TGM6: variants seen among roughly 807,000 people sequenced by gnomAD.
TGM6 encodes the protein protein-glutamine gamma-glutamyltransferase 6.
A neutral mutation model predicts 77.5 loss-of-function variants in TGM6; 74 were observed. That is an observed-to-expected ratio of 0.96 (90% CI 0.79 to 1.16). The LOEUF (loss-of-function observed/expected upper bound fraction) is 1.16. TGM6 is among the 50% of genes most tolerant of loss of function. The pLI, the probability that TGM6 is intolerant of heterozygous loss-of-function variation, is 0.00. For synonymous variants in TGM6, 383 were observed against 378.9 expected (o/e 1.01, Z -0.12); for missense variants, 968 against 940.2 (o/e 1.03, Z -0.39).
intron 3 of TGM6, 136 bp from the exon 4 acceptor site, chr20:2,396,370 G>A (rs1024219623): frequency 5.8e-5 from 48 of 833,712 alleles, no homozygotes; most frequent in Admixed American, 4.8e-4. Flanking sequence ...ACGGGAGCTC[G>A]CAAGCCCCCT....
chr20:2,426,363 A>C (rs1450842004), intron 10 of TGM6, among the ~76,000 whole-genome samples: 1 of 152,198 alleles, frequency 6.6e-6, no homozygotes, highest in Non-Finnish European at 1.5e-5. Flanking sequence ...TATACCCTGT[A>C]ACCTTGCTAT....
In TGM6 at chr20:2,419,669, C is replaced by T. The variant is rs183926695; in HGVS notation, c.1678+2096C>T. 9.9e-5 allele frequency among the ~76,000 whole-genome samples: 15 copies of T among 152,284 alleles called. 1 individual carries two copies. Among genetic ancestry groups the T allele is most frequent in the African/African-American group, 3.6e-4 (15 of 41,546 alleles). On this transcript the variant is annotated intron_variant, in intron 10 of 12. Coordinates refer to ENST00000202625, the MANE Select transcript of TGM6 (RefSeq NM_198994.3). ...TAAATATTGCAAATAGTCATTAATG[C>T]CCTGCTCTTTTCATATTGCATTGTA...
At chr20:2,384,263 C>T (rs2084578025) in intron 1 of TGM6, among the ~76,000 whole-genome samples, 1 of 152,108 alleles carries the variant, frequency 6.6e-6, no homozygotes, top group South Asian at 2.1e-4. Flanking sequence ...CTCAGAATTT[C>T]CTGCTTTAAG....
chr20:2,397,898 A>T lies in TGM6; in HGVS notation c.544-20A>T, dbSNP rs1276371844. On this transcript the variant is annotated intron_variant, in intron 4 of 12. Transcript: ENST00000202625. ...GGGTGACTGAACGCAGCCTCTAAGCACAGCCTCTCTGGGGAGCAGTTTGAG... is the reference window on the plus strand; with the variant it reads ...GGGTGACTGAACGCAGCCTCTAAGCTCAGCCTCTCTGGGGAGCAGTTTGAG... The T allele has an allele frequency of 1.2e-6, 2 of 1,614,118 alleles. No homozygotes were observed. The highest frequency in any genetic ancestry group is 1.7e-6 in the Non-Finnish European group (2 of 1,180,000).
chr20:2,426,769 T>A (rs1425065336), intron 10 of TGM6, among the ~76,000 whole-genome samples: 3 of 152,220 alleles, frequency 2.0e-5, no homozygotes, highest in Non-Finnish European at 4.4e-5. Context: ...TCTATTGATA[T>A]GATCATGTTA....
chr20:2,396,261 G>A (rs1465675250), intron 3 of TGM6, among the ~76,000 whole-genome samples: 6 of 152,092 alleles, frequency 3.9e-5, no homozygotes, highest in African/African-American at 1.2e-4. Flanking sequence ...CATCAAGGAG[G>A]CCCACCCAAA....
intron 9 of TGM6, among the ~76,000 whole-genome samples, chr20:2,406,831 CAAAAAAAAAAAAAA>C (rs3050731): frequency 3.8e-4 from 24 of 63,706 alleles, no homozygotes; most frequent in East Asian, 7.9e-4. Context: ...CGAAACTCCT[CAAAAAAAAAAAAAA>C]AAAAAAAAAA....
intron 9 of TGM6, among the ~76,000 whole-genome samples, chr20:2,410,993 AG>A (rs1712512008): frequency 6.6e-6 from 1 of 152,220 alleles, no homozygotes; most frequent in Non-Finnish European, 1.5e-5. Flanking sequence ...CTTCCCACAA[AG>A]AAATAATCAG....
chr20:2,395,617 C>T (rs1427634268), intron 3 of TGM6, among the ~76,000 whole-genome samples, 181 bp downstream of exon 3: 1 of 151,900 alleles, frequency 6.6e-6, no homozygotes, highest in African/African-American at 2.4e-5. Flanking sequence ...GCAGGTGCTT[C>T]AAAGCCTATG....
chr20:2,416,810 G>A (rs769960660), intron 9 of TGM6, among the ~76,000 whole-genome samples: 5 of 152,150 alleles, frequency 3.3e-5, no homozygotes, highest in Non-Finnish European at 5.9e-5. Flanking sequence ...TTTACTGCCT[G>A]GTTCAAGTCC....
intron 7 of TGM6, among the ~76,000 whole-genome samples, chr20:2,401,657 A>G (rs1489085817): frequency 6.6e-6 from 1 of 152,216 alleles, no homozygotes; most frequent in Non-Finnish European, 1.5e-5. Context: ...GAATAAGTTA[A>G]GATCATTGAT....
intron 9 of TGM6, among the ~76,000 whole-genome samples, chr20:2,412,450 G>A (rs988966167): frequency 6.6e-6 from 1 of 152,028 alleles, no homozygotes; most frequent in African/African-American, 2.4e-5. Context: ...TAATGACACT[G>A]AAGTATACAC....
chr20:2,425,437 G>A (rs2084881516), intron 10 of TGM6, among the ~76,000 whole-genome samples: 1 of 142,786 alleles, frequency 7.0e-6, no homozygotes. Context: ...ACTCAGGGTT[G>A]CCACAAAACT....
chr20:2,404,658 G>C (rs1192196321), intron 9 of TGM6, among the ~76,000 whole-genome samples: 1 of 145,508 alleles, frequency 6.9e-6, no homozygotes, highest in African/African-American at 2.5e-5. Flanking sequence ...TTTTTTCTTT[G>C]AGACAGAATC....
chr20:2,389,684 C>A (rs1031260109), intron 1 of TGM6, among the ~76,000 whole-genome samples: 1 of 152,098 alleles, frequency 6.6e-6, no homozygotes, highest in Non-Finnish European at 1.5e-5. Context: ...AAGAGGAAAT[C>A]AATTTTTCAC....
At position 2,410,823 on chromosome 20, in the gene TGM6, A is replaced by G. The variant is rs920180052; in HGVS notation, c.1337-6409A>G. 8.5e-5 allele frequency among the ~76,000 whole-genome samples: 13 copies of G among 152,228 alleles called. 1 individual carries two copies. Among genetic ancestry groups the G allele is most frequent in the Admixed American group, 6.5e-4 (10 of 15,290 alleles). On this transcript the variant is annotated intron_variant, in intron 9 of 12. Transcript: ENST00000202625. ...CAGTTTATTAGGGGATACTATGAGCAACTGCGTGACAACATATTAGATAAC... is the reference window on the plus strand; with the variant it reads ...CAGTTTATTAGGGGATACTATGAGCGACTGCGTGACAACATATTAGATAAC...
chr20:2,407,667 TA>T (rs1262777827), intron 9 of TGM6, among the ~76,000 whole-genome samples: 1 of 152,196 alleles, frequency 6.6e-6, no homozygotes, highest in Non-Finnish European at 1.5e-5. Context: ...ACAGGGAGGT[TA>T]AGTAACTTCC....
At chr20:2,399,006 C>A (rs1043318502) in intron 5 of TGM6, among the ~76,000 whole-genome samples, 1 of 152,034 alleles carries the variant, frequency 6.6e-6, no homozygotes, top group East Asian at 1.9e-4. Flanking sequence ...AGCATCACAG[C>A]CCTGAGGACA....
chr20:2,430,642 C>T (rs371482955), intron 11 of TGM6, 42 bp downstream of exon 11: 60 of 1,612,790 alleles, frequency 3.7e-5, no homozygotes, highest in Non-Finnish European at 4.8e-5. Flanking sequence ...CTAGTGGCAC[C>T]CACTCCCCAG....
Sources: gnomAD v4.1 joint callset for allele counts (sites outside exome capture counted in the v4.1 genomes callset) on GRCh38, gnomAD v4.1.1 for gene constraint, MANE v1.5 for transcripts, NCBI Gene and HGNC (gene_info 2026-07-23, HGNC 2026-07-21) for gene names.